Variants in USP24 observed in about 807,000 individuals in gnomAD.
USP24 encodes the protein ubiquitin specific peptidase 24, also known as ubiquitin carboxyl-terminal hydrolase 24.
USP24 carries 97 observed loss-of-function variants against 361.6 expected under a neutral mutation model. The ratio of observed to expected loss-of-function variants is 0.27; its 90% confidence interval spans 0.23 to 0.32. The LOEUF is 0.32. Ranked by LOEUF, USP24 falls within the 10% of genes least tolerant of loss-of-function variation. The pLI is 1.00. For missense variants in USP24, 2,353 were observed against 3,165.6 expected, an observed-to-expected ratio of 0.74 and a Z score of 6.16; for synonymous variants, 1,098 against 1,124.6, an observed-to-expected ratio of 0.98 and a Z score of 0.47.
At chr1:55,152,306 A>C (rs1339433426) in intron 16 of USP24, among the ~76,000 whole-genome samples, 1 of 152,216 alleles carries the variant, frequency 6.6e-6, no homozygotes, top group Non-Finnish European at 1.5e-5. Context: ...AAAACAACAG[A>C]CATAAATGAA....
At chr1:55,190,461 T>C (rs1240064322) in intron 1 of USP24, among the ~76,000 whole-genome samples, 1 of 152,188 alleles carries the variant, frequency 6.6e-6, no homozygotes, top group Non-Finnish European at 1.5e-5. Context: ...AATTACATAC[T>C]GACCAAGAGA....
In USP24 at chr1:55,146,961, T is replaced by C; in HGVS notation, c.2218A>G (p.Thr740Ala). The stretch of plus-strand genomic sequence containing the variant: ...TCTAATTCACAAACATCCTGGCCAG[T>C]TACAAGACACTCCCAGATCTCCTTG... ...RAKEIWECLV[T>A]GQDVCELDRE... Residue 740 changes from threonine (T) to alanine (A), a missense_variant, in exon 19 of 68, where the codon ACT (threonine) becomes GCT (alanine). Physicochemically the swap from Thr to Ala is moderately conservative, Grantham distance 58. This residue lies in a region of USP24 where 949 missense variants were observed against 1,280.5 expected (regional missense o/e 0.74). Transcript: ENST00000294383. The C allele has an allele frequency of 6.2e-7, 1 of 1,611,592 alleles. No individual in the cohort carries two copies. The highest frequency in any genetic ancestry group is 8.5e-7 in the Non-Finnish European group (1 of 1,178,708).
intron 8 of USP24, among the ~76,000 whole-genome samples, chr1:55,160,160 T>G (rs1416565377): frequency 6.6e-6 from 1 of 152,194 alleles, no homozygotes; most frequent in Non-Finnish European, 1.5e-5. Context: ...AAACTAACTC[T>G]GAAGAGTATG....
chr1:55,098,147 TA>T (rs1341843983), intron 46 of USP24, 63 bp from the exon 47 acceptor site: 2 of 1,478,722 alleles, frequency 1.4e-6, no homozygotes, highest in East Asian at 4.7e-5. Flanking sequence ...TCAATTATCA[TA>T]ATACCTAAGC....
chr1:55,114,295 GT>G (rs1197301703), intron 38 of USP24, among the ~76,000 whole-genome samples: 1 of 152,154 alleles, frequency 6.6e-6, no homozygotes, highest in Non-Finnish European at 1.5e-5. Context: ...AAGAATCAAT[GT>G]TGTGAAAATG....
At chr1:55,180,031 T>C (rs1303598964) in intron 1 of USP24, among the ~76,000 whole-genome samples, 2 of 152,240 alleles carry the variant, frequency 1.3e-5, no homozygotes, top group Non-Finnish European at 2.9e-5. Context: ...ATCCCCTAAC[T>C]GTCTCTCTCT....
chr1:55,087,807 C>T (rs1294574801), intron 55 of USP24, among the ~76,000 whole-genome samples: 2 of 152,210 alleles, frequency 1.3e-5, no homozygotes, highest in Admixed American at 6.5e-5. Context: ...ATCCGTTAGA[C>T]TGGGTGACTG....
intron 61 of USP24, among the ~76,000 whole-genome samples, chr1:55,077,767 C>T (rs1645060505): frequency 6.6e-6 from 1 of 152,200 alleles, no homozygotes. Flanking sequence ...CACACTCCTT[C>T]AGCCATTTTA....
chr1:55,141,499 CA>C, intron 24 of USP24, 116 bp downstream of exon 24: 3 of 950,786 alleles, frequency 3.2e-6, no homozygotes, highest in Non-Finnish European at 4.8e-6. Context: ...TGACAGCTTG[CA>C]AAAATTATGA....
intron 17 of USP24, 75 bp downstream of exon 17, chr1:55,148,388 G>T: frequency 9.1e-7 from 1 of 1,096,586 alleles, no homozygotes; most frequent in Non-Finnish European, 1.3e-6. Context: ...TATAAACTCA[G>T]CAATTTTAGC....
intron 54 of USP24, among the ~76,000 whole-genome samples, chr1:55,091,398 G>A (rs1438422993): frequency 6.6e-6 from 1 of 152,086 alleles, no homozygotes; most frequent in Non-Finnish European, 1.5e-5. Context: ...CCCTTTTGTG[G>A]AAAAATTGTC....
In USP24 at chr1:55,132,656, T is replaced by C. The variant is rs1382611536; in HGVS notation, c.3426A>G (p.Pro1142=). 1.9e-6 allele frequency: 3 copies of C among 1,613,160 alleles called. No individual in the cohort carries two copies. The highest frequency in any genetic ancestry group is 2.5e-6 in the Non-Finnish European group (3 of 1,179,466). Residue 1142 remains proline, a synonymous_variant, in exon 31 of 68, where the codon CCA becomes CCG. Transcript: ENST00000294383. The part of the protein sequence containing the change: ...SESSSQSSKS[P]SLSSKQQHQP... Reference sequence around the variant, plus strand: ...GGTGCTGTTGCTTTGATGACAGGGATGGAGATTTTGAGGACTGAGAACTTG... The same window carrying C: ...GGTGCTGTTGCTTTGATGACAGGGACGGAGATTTTGAGGACTGAGAACTTG...
At position 55,097,709 on chromosome 1, in the gene USP24, T is replaced by G. The variant is rs773553385; in HGVS notation, c.5604A>C (p.Thr1868=). ...YCEKCKEKRI[T]VKRTCIKSLP... ...AAGATTTAATACAGGTCCTTTTCAC[T>G]GTTATTCTCTAAAGAAAAAAAAAAG... Residue 1868 remains threonine (T), a synonymous_variant, in exon 48 of 68, where the codon ACA becomes ACC. Transcript: ENST00000294383. The G allele has an allele frequency of 4.5e-6, 7 of 1,543,656 alleles. No individual in the cohort carries two copies. The highest frequency in any genetic ancestry group is 6.1e-6 in the Non-Finnish European group (7 of 1,149,736).
At chr1:55,099,367 G>C (rs1038283197) in intron 45 of USP24, among the ~76,000 whole-genome samples, 3 of 152,012 alleles carry the variant, frequency 2.0e-5, no homozygotes, top group African/African-American at 7.2e-5. Flanking sequence ...GACCAGCCTG[G>C]CCAACATGGC....
chr1:55,150,638 A>G (rs1191315448), intron 16 of USP24, among the ~76,000 whole-genome samples: 2 of 152,178 alleles, frequency 1.3e-5, no homozygotes, highest in Non-Finnish European at 2.9e-5. Context: ...TATGGTAACA[A>G]TATTTTTATT....
At chr1:55,214,711 A>G in intron 1 of USP24, 79 bp downstream of exon 1, 1 of 1,079,380 alleles carries the variant, frequency 9.3e-7, no homozygotes, top group African/African-American at 1.7e-5. Context: ...TCCCCACACC[A>G]AGCCCAGCGG....
At chr1:55,085,733 T>C (rs1645236773) in intron 56 of USP24, among the ~76,000 whole-genome samples, 1 of 152,182 alleles carries the variant, frequency 6.6e-6, no homozygotes, top group South Asian at 2.1e-4. Context: ...AAAGCAGGCC[T>C]GAATTCCTGG....
chr1:55,066,382 A>ATACTC lies in USP24; in HGVS notation c.*2658_*2662dup, dbSNP rs1035510459. The stretch of plus-strand genomic sequence containing the variant: ...ACTCTGTTTTTGAAAAATTTATTTT[A>ATACTC]TACTCTTAGAAGCTAAGAACTTTGC... On this transcript the variant is annotated 3_prime_UTR_variant, in exon 68 of 68. Transcript: ENST00000294383. The ATACTC allele has an allele frequency of 6.6e-6, 1 of 152,208 alleles. No homozygotes were observed. The highest frequency in any genetic ancestry group is 6.5e-5 in the Admixed American group (1 of 15,288). 9.4% of individuals were successfully genotyped at this position (152,208 alleles called of 1,614,324 possible).
intron 1 of USP24, among the ~76,000 whole-genome samples, chr1:55,209,283 G>T (rs1451785553): frequency 2.6e-5 from 4 of 151,606 alleles, no homozygotes; most frequent in Non-Finnish European, 5.9e-5. Flanking sequence ...CTTTTTAAAA[G>T]GAAAACCTTT....
Sources: allele counts gnomAD v4.1 joint callset (sites outside exome capture counted in the v4.1 genomes callset), GRCh38; gene constraint gnomAD v4.1.1; regional missense constraint gnomAD v4.1.1; transcripts MANE v1.5; gene names NCBI Gene and HGNC (gene_info 2026-07-23, HGNC 2026-07-21).